The following PI4K2B variants were observed in gnomAD, a reference collection of about 807,000 sequenced individuals.
PI4K2B encodes phosphatidylinositol 4-kinase type 2 beta.
PI4K2B carries 46 observed loss-of-function variants against 56.6 expected under a neutral mutation model. The observed-to-expected ratio is 0.81, with a 90% CI of 0.64 to 1.04. The LOEUF is 1.04. PI4K2B is among the 50% of genes least tolerant of loss of function. The pLI is 0.00. For missense variants in PI4K2B, 556 were observed against 607.7 expected (o/e 0.91, Z 0.89); for synonymous variants, 211 against 223.8 (o/e 0.94, Z 0.51).
At position 25,263,765 on chromosome 4, in the gene PI4K2B, G is replaced by T; in HGVS notation, c.994G>T (p.Asp332Tyr). The T allele has an allele frequency of 7.1e-7, 1 of 1,417,856 alleles. No individual in the cohort carries two copies. The highest frequency in any genetic ancestry group is 1.2e-5 in the South Asian group (1 of 86,246). The allele number at this position is 1,417,856 out of a possible 1,614,324, so 87.8% of individuals were successfully genotyped here. Residue 332 changes from aspartate to tyrosine, a missense_variant, in exon 7 of 10, where the codon GAT becomes TAT. Asp to Tyr is a radical substitution (Grantham distance 160). Coordinates refer to ENST00000264864, the MANE Select transcript of PI4K2B (RefSeq NM_018323.4). ...TACTCTATAGGAATCAAAATGGATTGATGATGAAGAATTCCTTATTAAAAT... is the reference window on the plus strand; with the variant it reads ...TACTCTATAGGAATCAAAATGGATTTATGATGAAGAATTCCTTATTAAAAT... ...EIDHKESKWI[D>Y]DEEFLIKIAA...
intron 2 of PI4K2B, among the ~76,000 whole-genome samples, 157 bp downstream of exon 2, chr4:25,252,632 G>T (rs1279239685): frequency 6.6e-6 from 1 of 151,962 alleles, no homozygotes; most frequent in East Asian, 1.9e-4. Flanking sequence ...TTTTTGAGAC[G>T]CCCGGGGTCG....
chr4:25,256,732 C>T, intron 4 of PI4K2B, 58 bp downstream of exon 4: 2 of 1,503,898 alleles, frequency 1.3e-6, no homozygotes, highest in Non-Finnish European at 9.1e-7. Flanking sequence ...ATCCTGAGCT[C>T]TAGGAGCCAG....
At chr4:25,270,062 G>T (rs186874717) in intron 9 of PI4K2B, among the ~76,000 whole-genome samples, 264 of 152,256 alleles carry the variant, frequency 1.7e-3, no homozygotes, top group African/African-American at 6.1e-3. Flanking sequence ...ATTTAGCTCA[G>T]TGTTTCCCCT....
At position 25,277,027 on chromosome 4, in the gene PI4K2B, C is replaced by A. The variant is rs761970953; in HGVS notation, c.1286C>A (p.Thr429Asn). ...SVMRGQILNL[T>N]QALRDGKSPF... ...TTCTTCCCACAGATCTTAAACCTTA[C>A]TCAGGCATTGAGAGACGGGAAGAGT... is the stretch of plus-strand genomic sequence containing the variant. The change falls in exon 10 of 10, where the codon ACT becomes AAT. Residue 429 changes from threonine (T) to asparagine (N), a missense_variant. Transcript: ENST00000264864. The A allele has an allele frequency of 1.9e-6, 3 of 1,585,630 alleles. No homozygotes were observed. In the Admixed American group the frequency reaches 5.1e-5, roughly 27 times the overall value.
In PI4K2B at chr4:25,234,218, GA is replaced by G; in HGVS notation, c.56del (p.Glu19GlyfsTer29). 7.2e-7 allele frequency: 1 copy of G among 1,391,020 alleles called. No homozygotes were observed. The highest frequency in any genetic ancestry group is 9.4e-7 in the Non-Finnish European group (1 of 1,068,436). The allele number at this position is 1,391,020 out of a possible 1,614,324, so 86.2% of individuals were successfully genotyped here. A position where few individuals can be genotyped will look rare whatever the true frequency, so the allele number is the denominator to read the frequency against. On this transcript the variant is annotated frameshift_variant, in exon 1 of 10. Transcript: ENST00000264864. LOFTEE classifies it high-confidence loss of function. ...RLASADGGSPEEEEDGEREPL... is the reference protein window; with the variant it reads ...RLASADGGSPXEEEDGEREPL... ...GGCGTCCGCGGACGGCGGGAGCCCGGAGGAGGAGGAGGATGGGGAGCGGGAG... is the reference window on the plus strand; with the variant it reads ...GGCGTCCGCGGACGGCGGGAGCCCGGGGAGGAGGAGGATGGGGAGCGGGAG...
chr4:25,256,657 A>C lies in PI4K2B; in HGVS notation c.739A>C (p.Ile247Leu). Residue 247 changes from isoleucine to leucine, a missense_variant, in exon 4 of 10, where the codon ATA becomes CTA. Coordinates refer to ENST00000264864, the MANE Select transcript of PI4K2B (RefSeq NM_018323.4). Reference protein sequence around the residue: ...VPKVGRKFHRIGLPPKIGSFQ... With the variant: ...VPKVGRKFHRLGLPPKIGSFQ... ...AAAAGTGGGTAGAAAGTTTCATAGG[A>C]TAGGACTCCCTCCTAAGGTAAGTTT... 1 of 1,613,754 alleles carries C rather than the reference A, an allele frequency of 6.2e-7. No homozygotes were observed. The highest frequency in any genetic ancestry group is 1.1e-5 in the South Asian group (1 of 91,056).
At chr4:25,261,492 T>C (rs949304018) in intron 6 of PI4K2B, among the ~76,000 whole-genome samples, 1 of 152,188 alleles carries the variant, frequency 6.6e-6, no homozygotes, top group African/African-American at 2.4e-5. Flanking sequence ...AGTTTGTACA[T>C]TTGGGAAAGT....
intron 2 of PI4K2B, chr4:25,254,425 T>G (rs1716178080): frequency 2.6e-6 from 2 of 762,028 alleles, no homozygotes; most frequent in South Asian, 1.2e-4. Context: ...TCCTTTTTTT[T>G]TTTTTTGAGA....
At chr4:25,241,113 C>G (rs550728057) in intron 1 of PI4K2B, among the ~76,000 whole-genome samples, 1 of 152,354 alleles carries the variant, frequency 6.6e-6, no homozygotes, top group South Asian at 2.1e-4. Flanking sequence ...TGGGGGTTCC[C>G]CCGGAGGTTA....
intron 1 of PI4K2B, among the ~76,000 whole-genome samples, chr4:25,241,298 T>C (rs1433299824): frequency 6.6e-6 from 1 of 152,270 alleles, no homozygotes; most frequent in Non-Finnish European, 1.5e-5. Flanking sequence ...CTTTCAAGTA[T>C]GGTTACATCA....
Position 25,255,884 on chromosome 4 carries a change from A to G in PI4K2B, c.624+619A>G, listed in dbSNP as rs569171332. ...CTCAGCCTCCTGAGTAGCTGGGACT[A>G]TAGGCACATACCATCATGCGCCTGG... On this transcript the variant is annotated intron_variant, in intron 3 of 9. Transcript: ENST00000264864. Among the ~76,000 whole-genome samples, 322 of 152,240 alleles carry G rather than the reference A, an allele frequency of 2.1e-3. 1 individual carries two copies. The highest frequency in any genetic ancestry group is 7.6e-3 in the African/African-American group (314 of 41,550).
At position 25,255,178 on chromosome 4, in the gene PI4K2B, C is replaced by A. The variant is rs116364038; in HGVS notation, c.537C>A (p.Cys179Ter). Residue 179 changes from cysteine (C) to a stop codon, truncating the protein, a stop_gained, in exon 3 of 10, where the codon TGC becomes TGA. Transcript: ENST00000264864. LOFTEE classifies it high-confidence loss of function. ...GCCCTTGCTGCTTTGGCCGAGGCTGCCTGATTCCTAATCAGGGGTACCTTT... is the reference window on the plus strand; with the variant it reads ...GCCCTTGCTGCTTTGGCCGAGGCTGACTGATTCCTAATCAGGGGTACCTTT... ...VCCPCCFGRG[C>*]LIPNQGYLSE... The A allele has an allele frequency of 1.3e-5, 21 of 1,614,010 alleles. No individual in the cohort carries two copies. Among genetic ancestry groups the A allele is most frequent in the Non-Finnish European group, 1.8e-5 (21 of 1,180,006 alleles).
chr4:25,240,288 G>A (rs370814772), intron 1 of PI4K2B, among the ~76,000 whole-genome samples: 90 of 152,332 alleles, frequency 5.9e-4, no homozygotes, highest in African/African-American at 2.1e-3. Context: ...TCTCAGCAGC[G>A]AAGAGGTCTA....
rs1269561996 is a variant in PI4K2B, at chr4:25,234,269, GC to G, written c.109del (p.His37ThrfsTer11). The stretch of plus-strand genomic sequence containing the variant: ...GCCGCTGCTACCGCGGATCGCCTGG[GC>G]CCACCCGCGGAGAGGCGCCCCAGGC... ...REPLLPRIAW[A>X]HPRRGAPGSA... On this transcript the variant is annotated frameshift_variant, in exon 1 of 10. Transcript: ENST00000264864. LOFTEE classifies it high-confidence loss of function. The G allele has an allele frequency of 1.4e-6, 2 of 1,423,698 alleles. No individual in the cohort carries two copies. The highest frequency in any genetic ancestry group is 6.1e-5 in the East Asian group (2 of 32,714). 88.2% of individuals were successfully genotyped at this position (1,423,698 alleles called of 1,614,324 possible). A position where few individuals can be genotyped will look rare whatever the true frequency, so the allele number is the denominator to read the frequency against.
chr4:25,262,799 C>T (rs1040619305), intron 6 of PI4K2B, among the ~76,000 whole-genome samples: 5 of 152,102 alleles, frequency 3.3e-5, no homozygotes, highest in African/African-American at 9.7e-5. Context: ...AATTACCTTC[C>T]GCAGAAATAC....
At chr4:25,263,581 A>T (rs1716556363) in intron 6 of PI4K2B, among the ~76,000 whole-genome samples, 169 bp from the exon 7 acceptor site, 1 of 152,144 alleles carries the variant, frequency 6.6e-6, no homozygotes, top group Non-Finnish European at 1.5e-5. Flanking sequence ...GTTTTTTCAG[A>T]CAGTCTCTTC....
Position 25,260,571 on chromosome 4 carries a change from GA to G in PI4K2B, c.962del (p.Lys321ArgfsTer20). 1 of 1,371,022 alleles carries G rather than the reference GA, an allele frequency of 7.3e-7. No homozygotes were observed. Among genetic ancestry groups the G allele is most frequent in the Non-Finnish European group, 9.6e-7 (1 of 1,036,520 alleles). The allele number at this position is 1,371,022 out of a possible 1,614,324, so 84.9% of individuals were successfully genotyped here. The stretch of plus-strand genomic sequence containing the variant: ...AGTCAGATACGAAAAGCAGAAATGT[GA>G]AAAGGAAATTGACCATAAGGTAAGG... ...WLVRYEKQKCEKEIDHKESKW... is the reference protein window; with the variant it reads ...WLVRYEKQKCXKEIDHKESKW... On this transcript the variant is annotated frameshift_variant, in exon 6 of 10. Transcript: ENST00000264864. LOFTEE classifies it high-confidence loss of function.
intron 1 of PI4K2B, among the ~76,000 whole-genome samples, chr4:25,239,140 T>C (rs1212461853): frequency 6.6e-6 from 1 of 152,232 alleles, no homozygotes; most frequent in African/African-American, 2.4e-5. Context: ...ATAAAGGTTC[T>C]CTAAGTCCCC....
At chr4:25,267,817 A>G in intron 7 of PI4K2B, 1 of 969,232 alleles carries the variant, frequency 1.0e-6, no homozygotes. Context: ...AAAATGACTC[A>G]CCCATTTACC....
Sources: gnomAD v4.1 joint callset for allele counts (sites outside exome capture counted in the v4.1 genomes callset) on GRCh38, gnomAD v4.1.1 for gene constraint, MANE v1.5 for transcripts, NCBI Gene and HGNC (gene_info 2026-07-23, HGNC 2026-07-21) for gene names.